The following BLTP3A variants were observed in gnomAD, a reference collection of about 807,000 sequenced individuals.
BLTP3A encodes bridge-like lipid transfer protein family member 3A, also known as ICBP90 binding protein 1.
the BLTP3A span, among the ~76,000 whole-genome samples, chr6:34,831,475 T>G: frequency 6.6e-6 from 1 of 152,192 alleles, no homozygotes; most frequent in Non-Finnish European, 1.5e-5. Flanking sequence ...TTAATTCTGA[T>G]GTAGTCCAGT....
the BLTP3A span, chr6:34,856,774 C>T: frequency 3.7e-6 from 6 of 1,606,792 alleles, no homozygotes; most frequent in Non-Finnish European, 5.1e-6. Flanking sequence ...CTTTTTCCCA[C>T]CTTATTTTTA....
chr6:34,861,713 T>A, the BLTP3A span, among the ~76,000 whole-genome samples: 1 of 152,360 alleles, frequency 6.6e-6, no homozygotes, highest in East Asian at 1.9e-4. Context: ...TTTATTATGA[T>A]ATTTTCCCAT....
At chr6:34,861,317 G>C in the BLTP3A span, among the ~76,000 whole-genome samples, 1 of 152,048 alleles carries the variant, frequency 6.6e-6, no homozygotes, top group African/African-American at 2.4e-5. Flanking sequence ...GTAGAGATGG[G>C]GTTTTGCCAT....
the BLTP3A span, chr6:34,864,186 C>T: frequency 6.2e-7 from 1 of 1,613,438 alleles, no homozygotes; most frequent in South Asian, 1.1e-5. Context: ...CTTTGTGATG[C>T]TCTTGGAGTC....
chr6:34,860,733 A>C, the BLTP3A span, among the ~76,000 whole-genome samples: 1 of 152,222 alleles, frequency 6.6e-6, no homozygotes, highest in Non-Finnish European at 1.5e-5. Context: ...GCACAAGATC[A>C]CACAACTTGT....
the BLTP3A span, among the ~76,000 whole-genome samples, chr6:34,861,891 A>G: frequency 2.0e-5 from 3 of 152,194 alleles, no homozygotes; most frequent in African/African-American, 4.8e-5. Context: ...GGCTGAATAC[A>G]TGATTTTTAA....
chr6:34,827,776 C>T, the BLTP3A span, among the ~76,000 whole-genome samples: 105 of 152,084 alleles, frequency 6.9e-4, 2 homozygotes, highest in East Asian at 0.015. Flanking sequence ...GGATTATGGG[C>T]GCCTGCCACC....
the BLTP3A span, among the ~76,000 whole-genome samples, chr6:34,847,753 T>C: frequency 6.6e-6 from 1 of 151,234 alleles, no homozygotes; most frequent in Non-Finnish European, 1.5e-5. Flanking sequence ...CTTTTGTTGA[T>C]CTTTTCTATT....
chr6:34,862,663 T>C, the BLTP3A span, among the ~76,000 whole-genome samples: 1 of 151,696 alleles, frequency 6.6e-6, no homozygotes, highest in Non-Finnish European at 1.5e-5. Context: ...TGAAACCCTG[T>C]CTCTACTAAA....
chr6:34,796,902 A>G, the BLTP3A span, among the ~76,000 whole-genome samples: 1 of 152,166 alleles, frequency 6.6e-6, no homozygotes, highest in African/African-American at 2.4e-5. Context: ...ATGGGGTTTC[A>G]TCATGTTGGC....
the BLTP3A span, among the ~76,000 whole-genome samples, chr6:34,808,917 A>C: frequency 0.073 from 11,117 of 152,220 alleles, 605 homozygotes; most frequent in East Asian, 0.33. Context: ...CTTAAGTGAA[A>C]TGCACAAAAT....
chr6:34,839,331 C>G, the BLTP3A span, among the ~76,000 whole-genome samples: 302 of 118,358 alleles, frequency 2.6e-3, 11 homozygotes, highest in Admixed American at 0.023. Flanking sequence ...AGGGAGAGTT[C>G]TTGTAACTCT....
At chr6:34,842,568 G>C in the BLTP3A span, among the ~76,000 whole-genome samples, 1 of 152,100 alleles carries the variant, frequency 6.6e-6, no homozygotes, top group Admixed American at 6.5e-5. Context: ...ACCCAGCCAG[G>C]CACGGTGGCT....
the BLTP3A span, among the ~76,000 whole-genome samples, chr6:34,819,697 A>G: frequency 1.3e-5 from 2 of 152,362 alleles, no homozygotes; most frequent in Admixed American, 6.5e-5. Context: ...AGTTAGGGGA[A>G]GAAGGCCTCA....
the BLTP3A span, among the ~76,000 whole-genome samples, chr6:34,867,007 T>C: frequency 6.6e-6 from 1 of 152,234 alleles, no homozygotes; most frequent in African/African-American, 2.4e-5. Context: ...TGCTTCTGTT[T>C]ACAGACTTTT....
the BLTP3A span, among the ~76,000 whole-genome samples, chr6:34,801,971 T>G: frequency 3.9e-5 from 6 of 152,092 alleles, no homozygotes; most frequent in Admixed American, 3.9e-4. Context: ...TCTCCTGACC[T>G]CATGATCCAC....
the BLTP3A span, among the ~76,000 whole-genome samples, chr6:34,839,733 C>T: frequency 1.3e-3 from 201 of 152,340 alleles, 8 homozygotes; most frequent in South Asian, 0.04. Flanking sequence ...GGCCCGGCTG[C>T]TTGTCCGGGT....
the BLTP3A span, among the ~76,000 whole-genome samples, chr6:34,828,402 G>A: frequency 7.2e-6 from 1 of 139,192 alleles, no homozygotes; most frequent in Non-Finnish European, 1.5e-5. Flanking sequence ...AGTGAGCCGA[G>A]ATCACACCAC....
chr6:34,869,204 G>A, the BLTP3A span, among the ~76,000 whole-genome samples: 1 of 152,038 alleles, frequency 6.6e-6, no homozygotes, highest in African/African-American at 2.4e-5. Flanking sequence ...GTTTCACCAT[G>A]TTGACCAGGC....
Sources: gnomAD v4.1 joint callset for allele counts (sites outside exome capture counted in the v4.1 genomes callset) on GRCh38, gnomAD v4.1.1 for gene constraint, MANE v1.5 for transcripts, NCBI Gene and HGNC (gene_info 2026-07-23, HGNC 2026-07-21) for gene names.